The following STK3 variants were observed in gnomAD, a reference collection of about 807,000 sequenced individuals.
The protein encoded by STK3 is serine/threonine kinase 3.
A neutral mutation model predicts 58.0 loss-of-function variants in STK3; 41 were observed. The ratio of observed to expected loss-of-function variants is 0.71; its 90% CI spans 0.55 to 0.92. STK3 has a LOEUF of 0.92. STK3 is among the 40% of genes least tolerant of loss of function. The pLI is 0.00. For synonymous variants in STK3, 170 were observed against 191.0 expected (o/e 0.89, Z 0.91); for missense variants, 479 against 602.7 (o/e 0.79, Z 2.15).
intron 1 of STK3, chr8:98,782,096 AAAG>A (rs556726762): frequency 4.3e-6 from 1 of 234,382 alleles, no homozygotes; most frequent in Non-Finnish European, 8.7e-6. Context: ...GCTGTGGCAA[AAAG>A]AAGATCTGGC....
chr8:98,807,554 G>A (rs769673552), intron 1 of STK3, among the ~76,000 whole-genome samples: 4 of 152,104 alleles, frequency 2.6e-5, no homozygotes, highest in African/African-American at 4.8e-5. Context: ...CACTGTACCC[G>A]ACCAGTAATC....
chr8:98,665,434 C>A (rs1365008926), intron 6 of STK3, among the ~76,000 whole-genome samples: 1 of 152,128 alleles, frequency 6.6e-6, no homozygotes, highest in Non-Finnish European at 1.5e-5. Flanking sequence ...TCTTGCCCTG[C>A]TGCCTAGGCT....
At chr8:98,469,755 G>A (rs1011970225) in intron 10 of STK3, among the ~76,000 whole-genome samples, 1 of 152,092 alleles carries the variant, frequency 6.6e-6, no homozygotes, top group Non-Finnish European at 1.5e-5. Context: ...TTTTAATAAG[G>A]ATAAAAGGAA....
At chr8:98,522,474 G>A (rs1825438830) in intron 10 of STK3, among the ~76,000 whole-genome samples, 1 of 152,072 alleles carries the variant, frequency 6.6e-6, no homozygotes, top group Admixed American at 6.6e-5. Flanking sequence ...CTAGACTTCT[G>A]ACATATTTTG....
At chr8:98,584,156 G>C (rs557814794) in intron 7 of STK3, among the ~76,000 whole-genome samples, 66 of 151,512 alleles carry the variant, frequency 4.4e-4, no homozygotes, top group South Asian at 1.7e-3. Context: ...GTGCAGGTTA[G>C]TTACATATCT....
intron 1 of STK3, among the ~76,000 whole-genome samples, chr8:98,806,113 T>A (rs1247315329): frequency 6.6e-6 from 1 of 152,232 alleles, no homozygotes; most frequent in Non-Finnish European, 1.5e-5. Context: ...ATGAATTCCA[T>A]AAAGATATGG....
intron 10 of STK3, among the ~76,000 whole-genome samples, chr8:98,482,022 A>G (rs933414551): frequency 3.3e-5 from 5 of 152,248 alleles, no homozygotes; most frequent in Non-Finnish European, 7.3e-5. Flanking sequence ...TTAAAAGGTC[A>G]TGAAGGAATT....
At chr8:98,498,292 C>T (rs746708153) in intron 10 of STK3, among the ~76,000 whole-genome samples, 6 of 151,962 alleles carry the variant, frequency 3.9e-5, no homozygotes, top group Admixed American at 6.6e-5. Flanking sequence ...GGGTGGGTGT[C>T]GGATGGTGCT....
intron 1 of STK3, among the ~76,000 whole-genome samples, chr8:98,929,191 G>A (rs1347746432): frequency 1.3e-5 from 2 of 152,144 alleles, no homozygotes; most frequent in Non-Finnish European, 2.9e-5. Context: ...GCTTGAACCC[G>A]AGAGGCAGAG....
chr8:98,522,190 CA>C (rs1825414082), intron 10 of STK3, among the ~76,000 whole-genome samples: 1 of 152,140 alleles, frequency 6.6e-6, no homozygotes. Context: ...GAGTCTAAGA[CA>C]GACAGTAGAA....
intron 1 of STK3, among the ~76,000 whole-genome samples, chr8:98,932,200 G>A (rs1445244028): frequency 6.6e-6 from 1 of 152,176 alleles, no homozygotes; most frequent in African/African-American, 2.4e-5. Flanking sequence ...AAAAATAAGA[G>A]AAAATACTAT....
chr8:98,585,096 T>C (rs1212529886), intron 7 of STK3, among the ~76,000 whole-genome samples: 1 of 151,208 alleles, frequency 6.6e-6, no homozygotes, highest in Non-Finnish European at 1.5e-5. Context: ...GCTCTTTAGT[T>C]TAATTAGATC....
intron 10 of STK3, among the ~76,000 whole-genome samples, chr8:98,482,394 T>A (rs1821918217): frequency 6.6e-6 from 1 of 152,204 alleles, no homozygotes; most frequent in African/African-American, 2.4e-5. Flanking sequence ...GTCAAATGTT[T>A]TTATGGATCT....
intron 4 of STK3, among the ~76,000 whole-genome samples, chr8:98,719,750 T>C (rs931064488): frequency 2.0e-5 from 3 of 152,228 alleles, no homozygotes; most frequent in Non-Finnish European, 4.4e-5. Flanking sequence ...GCTGATACTC[T>C]TCAAGGTGCT....
intron 3 of STK3, chr8:98,413,083 G>C (rs546854334): frequency 2.3e-4 from 58 of 252,768 alleles, no homozygotes; most frequent in Non-Finnish European, 3.7e-4. Context: ...GCGCGATCTT[G>C]GCTCACTGCA....
intron 10 of STK3, 58 bp from the exon 11 acceptor site, chr8:98,456,058 A>C (rs932514485): frequency 1.4e-6 from 2 of 1,468,910 alleles, no homozygotes; most frequent in Non-Finnish European, 1.8e-6. Flanking sequence ...TCCACAATCA[A>C]TACAATGAAA....
chr8:98,391,970 A>T (rs2131013907), upstream of STK3, among the ~76,000 whole-genome samples: 1 of 152,316 alleles, frequency 6.6e-6, no homozygotes, highest in South Asian at 2.1e-4. Flanking sequence ...CTCAGAAAAC[A>T]TGATTTAGTT....
chr8:98,749,178 C>T, intron 4 of STK3, 98 bp downstream of exon 4: 1 of 892,976 alleles, frequency 1.1e-6, no homozygotes, highest in Admixed American at 2.6e-5. Context: ...TTTCTTTTTT[C>T]ATGCTATTAT....
At chr8:98,634,912 A>G (rs1229122038) in intron 6 of STK3, among the ~76,000 whole-genome samples, 1 of 152,030 alleles carries the variant, frequency 6.6e-6, no homozygotes, top group Non-Finnish European at 1.5e-5. Flanking sequence ...ATGCGTTTTT[A>G]TACTATTTTG....
Sources: allele counts gnomAD v4.1 joint callset (sites outside exome capture counted in the v4.1 genomes callset), GRCh38; gene constraint gnomAD v4.1.1; transcripts MANE v1.5; gene names NCBI Gene and HGNC (gene_info 2026-07-23, HGNC 2026-07-21).